The following DZANK1 variants were observed in gnomAD, a reference collection of about 807,000 sequenced individuals.
DZANK1 encodes the protein double zinc ribbon and ankyrin repeat-containing protein 1.
Under a neutral mutation model 94.5 loss-of-function variants are expected in DZANK1, and 91 were observed. The ratio of observed to expected loss-of-function variants is 0.96; its 90% CI spans 0.81 to 1.15. The LOEUF is 1.15. DZANK1 is among the 50% of genes most tolerant of loss of function. The probability of loss-of-function intolerance (pLI) is 0.00; values close to 1 mark genes in which losing one functional copy is unlikely to be tolerated. For missense variants in DZANK1, 903 were observed against 916.4 expected, an observed-to-expected ratio of 0.99 and a Z score of 0.19; for synonymous variants, 312 against 325.3, an observed-to-expected ratio of 0.96 and a Z score of 0.44.
At chr20:18,414,912 A>C (rs908632507) in intron 11 of DZANK1, among the ~76,000 whole-genome samples, 2 of 152,240 alleles carry the variant, frequency 1.3e-5, no homozygotes, top group African/African-American at 4.8e-5. Context: ...AGAACATCTC[A>C]AGAACTGGAT....
At chr20:18,453,995 A>G (rs1568544606) in intron 4 of DZANK1, 168 bp from the exon 5 acceptor site, 2 of 728,342 alleles carry the variant, frequency 2.7e-6, no homozygotes, top group Non-Finnish European at 5.1e-6. Context: ...GCAGCTTTGT[A>G]TCTGGACTGG....
chr20:18,416,854 T>C (rs1030817737), intron 10 of DZANK1, among the ~76,000 whole-genome samples: 1 of 152,180 alleles, frequency 6.6e-6, no homozygotes, highest in Admixed American at 6.5e-5. Context: ...ATTTCAATTA[T>C]CCTATTCTTA....
At chr20:18,398,898 G>A (rs1380883032) in intron 13 of DZANK1, among the ~76,000 whole-genome samples, 1 of 151,746 alleles carries the variant, frequency 6.6e-6, no homozygotes, top group Non-Finnish European at 1.5e-5. Flanking sequence ...TTGGGAGGCC[G>A]AGGCAGGTGG....
At chr20:18,462,513 C>T (rs866937856) in intron 2 of DZANK1, among the ~76,000 whole-genome samples, 70 of 152,202 alleles carry the variant, frequency 4.6e-4, no homozygotes, top group African/African-American at 1.5e-3. Context: ...AAATGCTCAT[C>T]ATCACTAATC....
At chr20:18,449,946 C>T (rs1270724674) in intron 6 of DZANK1, among the ~76,000 whole-genome samples, 3 of 151,296 alleles carry the variant, frequency 2.0e-5, no homozygotes, top group South Asian at 2.1e-4. Flanking sequence ...GGTGTGGTGG[C>T]GCATGCCTAT....
chr20:18,459,338 T>C (rs1452966060), intron 3 of DZANK1, among the ~76,000 whole-genome samples: 1 of 152,216 alleles, frequency 6.6e-6, no homozygotes, highest in Non-Finnish European at 1.5e-5. Context: ...AATTTTCAGA[T>C]GCCAAGGCAA....
rs530957220 is a variant in DZANK1 at position 18,453,463 on chromosome 20, C to T, written c.475+268G>A. On this transcript the variant is annotated intron_variant, in intron 5 of 20. Coordinates refer to ENST00000262547, the Ensembl canonical transcript of DZANK1. ...TCCACCCTTCCCCCAAACCCTACAA[C>T]TCCAGCATTTCCTCTGTTTGGTTAG... Among the ~76,000 whole-genome samples, 12 of 152,284 alleles carry T rather than the reference C, an allele frequency of 7.9e-5. No homozygotes were observed. The South Asian group carries it at 2.3e-3, about 29-fold the overall frequency.
chr20:18,385,192 A>G (rs760025624), intron 19 of DZANK1, 102 bp from the exon 20 acceptor site: 1 of 1,081,370 alleles, frequency 9.2e-7, no homozygotes, highest in Non-Finnish European at 1.4e-6. Context: ...TCACCGACCT[A>G]CTTAACTAAC....
intron 13 of DZANK1, among the ~76,000 whole-genome samples, chr20:18,408,073 C>T (rs2148926): frequency 0.89 from 135,244 of 152,254 alleles, 60,200 homozygotes; most frequent in South Asian, 0.96. Flanking sequence ...CCCAGCACTT[C>T]GGGAGGCCAA....
chr20:18,433,721 A>C (rs1469208668), exon 9 of DZANK1: 3 of 1,613,996 alleles, frequency 1.9e-6, no homozygotes, highest in South Asian at 1.1e-5. Flanking sequence ...CACAGATGGG[A>C]GTGTTCATGG....
At chr20:18,407,865 C>T (rs1045931563) in intron 13 of DZANK1, among the ~76,000 whole-genome samples, 2 of 151,968 alleles carry the variant, frequency 1.3e-5, no homozygotes, top group Non-Finnish European at 2.9e-5. Flanking sequence ...ACAGGCTATT[C>T]AAAAATACAC....
intron 13 of DZANK1, among the ~76,000 whole-genome samples, chr20:18,405,913 T>C (rs2148371496): frequency 6.6e-6 from 1 of 152,320 alleles, no homozygotes; most frequent in African/African-American, 2.4e-5. Context: ...TGGGGGACTG[T>C]ACACTGAACT....
Position 18,396,069 on chromosome 20 carries a change from G to A in DZANK1, c.1611+403C>T, listed in dbSNP as rs145315700. On this transcript the variant is annotated intron_variant, in intron 15 of 20. Transcript: ENST00000262547. Reference sequence around the variant, plus strand: ...AATTAATGTTTGAAACACATTTACAGGCTCTGTGGCAATGCCCCCGTCACC... The same window carrying A: ...AATTAATGTTTGAAACACATTTACAAGCTCTGTGGCAATGCCCCCGTCACC... Among the ~76,000 whole-genome samples the A allele has an allele frequency of 3.0e-4, 46 of 152,324 alleles. No individual in the cohort carries two copies. The East Asian group carries it at 7.9e-3, about 26-fold the overall frequency.
Position 18,417,682 on chromosome 20 carries a change from G to A in DZANK1, c.955-2233C>T, listed in dbSNP as rs147185265. Among the ~76,000 whole-genome samples the A allele has an allele frequency of 2.4e-3, 363 of 152,116 alleles. 5 individuals carry two copies. The highest frequency in any genetic ancestry group is 0.02 in the Admixed American group (304 of 15,284). ...CTCAGTTCTGAAAAAGAAACACATC[G>A]TATGTAACAGAAATCATCTTTTTTT... On this transcript the variant is annotated intron_variant, in intron 10 of 20. Transcript: ENST00000262547.
At chr20:18,399,008 T>G (rs955857056) in intron 13 of DZANK1, among the ~76,000 whole-genome samples, 19 of 151,802 alleles carry the variant, frequency 1.3e-4, no homozygotes, top group African/African-American at 4.4e-4. Context: ...GGCGTGCACC[T>G]GTAGTCCCAG....
intron 8 of DZANK1, among the ~76,000 whole-genome samples, chr20:18,442,281 G>T (rs984969823): frequency 6.6e-6 from 1 of 152,030 alleles, no homozygotes; most frequent in Non-Finnish European, 1.5e-5. Context: ...AATAATTTTG[G>T]TATCGCACCA....
At chr20:18,422,445 C>T (rs1363104067) in intron 10 of DZANK1, among the ~76,000 whole-genome samples, 1 of 152,174 alleles carries the variant, frequency 6.6e-6, no homozygotes, top group Non-Finnish European at 1.5e-5. Context: ...TTACTATATG[C>T]TGAATATCTC....
chr20:18,387,612 T>G (rs1438906232), intron 19 of DZANK1, among the ~76,000 whole-genome samples: 1 of 152,208 alleles, frequency 6.6e-6, no homozygotes, highest in Non-Finnish European at 1.5e-5. Flanking sequence ...CAAACAGCAT[T>G]TCTCTGGGCC....
At chr20:18,384,254 T>C (rs2048345601) in exon 21 of DZANK1, 8 of 742,140 alleles carry the variant, frequency 1.1e-5, no homozygotes, top group South Asian at 1.1e-4. Flanking sequence ...AGACGGGGTT[T>C]CTCCATGTTG....
Sources: gnomAD v4.1 joint callset for allele counts (sites outside exome capture counted in the v4.1 genomes callset) on GRCh38, gnomAD v4.1.1 for gene constraint, MANE v1.5 for transcripts, NCBI Gene and HGNC (gene_info 2026-07-23, HGNC 2026-07-21) for gene names.